Variants in COX15 observed in about 807,000 individuals in gnomAD.
COX15 encodes the protein cytochrome c oxidase assembly factor COX15, also known as heme A synthase COX15.
Under a neutral mutation model 51.9 loss-of-function variants are expected in COX15, and 51 were observed. That is an observed-to-expected ratio of 0.98 (90% CI 0.78 to 1.24). COX15 has a LOEUF of 1.24. Among genes scored for constraint, COX15 ranks in the 50% most tolerant of loss-of-function variants. The pLI, the probability that COX15 is intolerant of heterozygous loss-of-function variation, is 0.00. For synonymous variants in COX15, 188 were observed against 190.5 expected (o/e 0.99, Z 0.11); for missense variants, 420 against 501.1 (o/e 0.84, Z 1.55).
chr10:99,702,721 G>T, the COX15 span: 2 of 1,505,286 alleles, frequency 1.3e-6, no homozygotes, highest in Non-Finnish European at 1.8e-6. Flanking sequence ...GAGGATATCA[G>T]TTGATGCCTC....
At chr10:99,704,028 A>G in the COX15 span, among the ~76,000 whole-genome samples, 1 of 152,308 alleles carries the variant, frequency 6.6e-6, no homozygotes, top group African/African-American at 2.4e-5. Flanking sequence ...ACTTGGCTGC[A>G]TAGCAACTTT....
At chr10:99,725,255 A>T (rs2036912186) in intron 4 of COX15, among the ~76,000 whole-genome samples, 1 of 152,090 alleles carries the variant, frequency 6.6e-6, no homozygotes, top group South Asian at 2.1e-4. Context: ...CTTTTTGGGC[A>T]TTTCTCTCCC....
chr10:99,704,551 G>A, the COX15 span: 14 of 1,614,154 alleles, frequency 8.7e-6, no homozygotes, highest in Admixed American at 6.7e-5. Flanking sequence ...TCCTGGTGGT[G>A]CTACTGGCCA....
At chr10:99,698,300 C>T in the COX15 span, among the ~76,000 whole-genome samples, 18 of 152,330 alleles carry the variant, frequency 1.2e-4, no homozygotes, top group South Asian at 3.1e-3. Flanking sequence ...CTAGGAAATA[C>T]ACATGTTGAC....
At position 99,711,143 on chromosome 10, in the gene COX15, T is replaced by TTA; in HGVS notation, c.*3443_*3444insTA. On this transcript the variant is annotated 3_prime_UTR_variant, in exon 9 of 9. Transcript: ENST00000016171. ...TAATCATTCACCAGAAGCTCATAGA[T>TTA]ATAATACAGTTATATAGCTAAATGC... 2 of 985,142 alleles carry TTA rather than the reference T, an allele frequency of 2.0e-6. No homozygotes were observed. The highest frequency in any genetic ancestry group is 2.4e-6 in the Non-Finnish European group (2 of 829,748). 61.0% of individuals were successfully genotyped at this position (985,142 alleles called of 1,614,324 possible).
rs926337794 is a variant in COX15 at position 99,727,481 on chromosome 10, C to T, written c.355G>A (p.Ala119Thr). ...KPPTSQEEWE[A>T]EFQRYQQFPE... The stretch of plus-strand genomic sequence containing the variant: ...AATTGCTGGTATCTTTGGAATTCTG[C>T]TTCCCATTCCTCTTGGCTTGTAGGT... Residue 119 changes from alanine (A) to threonine (T), a missense_variant, in exon 3 of 9, where the codon GCA becomes ACA. By Grantham distance (58) the Ala-to-Thr change is moderately conservative. Transcript: ENST00000016171. 1 of 1,613,906 alleles carries T rather than the reference C, an allele frequency of 6.2e-7. No homozygotes were observed. The highest frequency in any genetic ancestry group is 2.2e-5 in the East Asian group (1 of 44,882).
chr10:99,732,103 C>A lies in COX15; in HGVS notation c.-54G>T. On this transcript the variant is annotated 5_prime_UTR_variant, in exon 1 of 9. The change creates a new upstream start codon in the 5' untranslated region. Coordinates refer to ENST00000016171, the MANE Select transcript of COX15 (RefSeq NM_078470.6). The stretch of plus-strand genomic sequence containing the variant: ...CACAACCCAGGGCTCTGTGGTCTCC[C>A]TCCTCCGCCAAGGAAAAGAGAAGCA... 2 of 1,583,074 alleles carry A rather than the reference C, an allele frequency of 1.3e-6. No individual in the cohort carries two copies. The highest frequency in any genetic ancestry group is 8.6e-7 in the Non-Finnish European group (1 of 1,164,134).
At position 99,714,135 on chromosome 10, in the gene COX15, A is replaced by G; in HGVS notation, c.*452T>C. ...ATTAGCTTTTTTTTTTTTGCTGAAG[A>G]CCAGCTGGCTACTTTGGGTATGTCA... On this transcript the variant is annotated 3_prime_UTR_variant, in exon 9 of 9. Transcript: ENST00000016171. 1 of 1,014,624 alleles carries G rather than the reference A, an allele frequency of 9.9e-7. No homozygotes were observed. Among genetic ancestry groups the G allele is most frequent in the Non-Finnish European group, 1.2e-6 (1 of 847,176 alleles). The allele number at this position is 1,014,624 out of a possible 1,614,324, so 62.9% of individuals were successfully genotyped here. A position where few individuals can be genotyped will look rare whatever the true frequency, so the allele number is the denominator to read the frequency against.
At chr10:99,731,600 C>T (rs2037148143) in intron 1 of COX15, among the ~76,000 whole-genome samples, 1 of 152,152 alleles carries the variant, frequency 6.6e-6, no homozygotes, top group South Asian at 2.1e-4. Flanking sequence ...CATCTGACTA[C>T]TTGGAACTTT....
At chr10:99,718,201 A>T (rs2036635954) in intron 7 of COX15, 145 bp downstream of exon 7, 1 of 911,356 alleles carries the variant, frequency 1.1e-6, no homozygotes, top group Non-Finnish European at 1.7e-6. Context: ...AGATTAGAGA[A>T]ATGGTCCTAA....
the COX15 span, among the ~76,000 whole-genome samples, chr10:99,699,214 G>A: frequency 6.6e-6 from 1 of 152,112 alleles, no homozygotes; most frequent in Non-Finnish European, 1.5e-5. Flanking sequence ...CCTCTTGCTA[G>A]CTATTTTCTG....
chr10:99,727,706 G>C (rs2037005833), intron 2 of COX15, 143 bp from the exon 3 acceptor site: 1 of 1,038,916 alleles, frequency 9.6e-7, no homozygotes, highest in Non-Finnish European at 1.5e-6. Flanking sequence ...ACATTTCTCT[G>C]TTACTGCTTG....
At chr10:99,705,025 G>C in the COX15 span, 1 of 274,414 alleles carries the variant, frequency 3.6e-6, no homozygotes, top group East Asian at 7.7e-5. Flanking sequence ...TTTGGCATTT[G>C]GCACACTGGA....
chr10:99,716,790 A>G (rs1020916818), intron 7 of COX15: 6 of 309,082 alleles, frequency 1.9e-5, no homozygotes, highest in Non-Finnish European at 3.9e-5. Flanking sequence ...ATCCCTAACC[A>G]TATCTCTAAT....
chr10:99,710,242 G>T (rs1387685091), downstream of COX15: 5 of 985,240 alleles, frequency 5.1e-6, no homozygotes, highest in South Asian at 1.9e-4. Context: ...CCCCTTACTA[G>T]CTTCATAAAT....
the COX15 span, chr10:99,698,503 G>C: frequency 1.3e-5 from 20 of 1,599,638 alleles, no homozygotes; most frequent in Middle Eastern, 1.7e-4. Flanking sequence ...TGACGTGTTT[G>C]TTTGTTTGTT....
intron 4 of COX15, among the ~76,000 whole-genome samples, chr10:99,724,909 G>A (rs991303601): frequency 7.9e-5 from 12 of 152,150 alleles, no homozygotes; most frequent in Non-Finnish European, 1.6e-4. Context: ...CATGCAGATC[G>A]CTTTGCAAAT....
chr10:99,727,678 C>A, intron 2 of COX15, 115 bp from the exon 3 acceptor site: 2 of 1,264,774 alleles, frequency 1.6e-6, no homozygotes, highest in Non-Finnish European at 2.3e-6. Context: ...ACATTGTTTC[C>A]TTGTTTCCTC....
chr10:99,720,843 G>A (rs2036739126), intron 6 of COX15, 144 bp downstream of exon 6: 5 of 575,608 alleles, frequency 8.7e-6, no homozygotes, highest in Non-Finnish European at 8.8e-6. Context: ...AAAGGAACAG[G>A]AAACAGGGTG....
Sources: gnomAD v4.1 joint callset for allele counts (sites outside exome capture counted in the v4.1 genomes callset) on GRCh38, gnomAD v4.1.1 for gene constraint, MANE v1.5 for transcripts, NCBI Gene and HGNC (gene_info 2026-07-23, HGNC 2026-07-21) for gene names.